The following TGM2 variants were observed in gnomAD, a reference collection of about 807,000 sequenced individuals.
The protein encoded by TGM2 is protein-glutamine gamma-glutamyltransferase 2.
Under a neutral mutation model 75.6 loss-of-function variants are expected in TGM2, and 53 were observed. The observed-to-expected ratio is 0.70, with a 90% CI of 0.56 to 0.88. The LOEUF is 0.88. TGM2 is among the 40% of genes least tolerant of loss of function. The probability of loss-of-function intolerance (pLI) is 0.00; values close to 1 mark genes in which losing one functional copy is unlikely to be tolerated. For missense variants in TGM2, 842 were observed against 928.5 expected (o/e 0.91, Z 1.21); for synonymous variants, 374 against 381.1 (o/e 0.98, Z 0.22).
rs371114137 is a variant in TGM2, at chr20:38,132,510, G to A, written c.1616-10C>T. 1.9e-6 allele frequency: 3 copies of A among 1,614,040 alleles called. No individual in the cohort carries two copies. The highest frequency in any genetic ancestry group is 2.5e-6 in the Non-Finnish European group (3 of 1,179,978). On this transcript the variant is annotated splice_polypyrimidine_tract_variant and intron_variant, in intron 10 of 12. Transcript: ENST00000361475. ...AGAGGAACGCTCTTCTCTGCAGAAG[G>A]GGAGAAAGGAGGGTGCTCATGATGC...
intron 3 of TGM2, among the ~76,000 whole-genome samples, chr20:38,151,805 C>T (rs1338391010): frequency 6.6e-6 from 1 of 152,130 alleles, no homozygotes; most frequent in Non-Finnish European, 1.5e-5. Context: ...AAGCAGAGGA[C>T]CAGAAAGCAC....
intron 10 of TGM2, among the ~76,000 whole-genome samples, chr20:38,135,282 C>A (rs935492684): frequency 6.6e-6 from 1 of 152,130 alleles, no homozygotes; most frequent in Non-Finnish European, 1.5e-5. Context: ...GCTCTGAGCA[C>A]GAGAAGGAGC....
At chr20:38,146,621 G>A (rs1030192493) in intron 6 of TGM2, 96 bp downstream of exon 6, 1 of 1,463,068 alleles carries the variant, frequency 6.8e-7, no homozygotes, top group African/African-American at 1.4e-5. Context: ...TTGGTGGCAG[G>A]GGGCAGGACC....
At chr20:38,155,756 T>C (rs1398236468) in intron 3 of TGM2, 91 bp downstream of exon 3, 9 of 1,497,096 alleles carry the variant, frequency 6.0e-6, no homozygotes, top group Non-Finnish European at 8.0e-6. Context: ...GTGTCTCTTA[T>C]CCCCTGTTCT....
At chr20:38,146,563 C>A (rs555763345) in intron 6 of TGM2, 154 bp downstream of exon 6, 5 of 857,960 alleles carry the variant, frequency 5.8e-6, no homozygotes, top group South Asian at 5.7e-5. Context: ...GGATAAAGGA[C>A]CGGAGAGGGT....
intron 4 of TGM2, among the ~76,000 whole-genome samples, chr20:38,149,692 A>AAAAAAAAAAAAAAAAAAAAAAC: frequency 6.8e-6 from 1 of 147,244 alleles, no homozygotes; most frequent in South Asian, 2.2e-4. Context: ...AAAAAAAAAA[A>AAAAAAAAAAAAAAAAAAAAAAC]AAAAAAAAAC....
intron 3 of TGM2, among the ~76,000 whole-genome samples, chr20:38,153,615 C>T (rs547255374): frequency 5.9e-5 from 9 of 151,412 alleles, no homozygotes; most frequent in Admixed American, 2.0e-4. Context: ...GGGGAAAAAA[C>T]CAAGTTGTAG....
intron 8 of TGM2, among the ~76,000 whole-genome samples, chr20:38,140,402 C>T (rs1172446450): frequency 6.6e-6 from 1 of 152,172 alleles, no homozygotes; most frequent in African/African-American, 2.4e-5. Flanking sequence ...TGTTCCATGC[C>T]GCTGGAGGTC....
chr20:38,152,954 G>A (rs908511636), intron 3 of TGM2, among the ~76,000 whole-genome samples: 8 of 150,344 alleles, frequency 5.3e-5, no homozygotes, highest in African/African-American at 1.5e-4. Flanking sequence ...TGGGGACACC[G>A]GCGTGTTCCT....
chr20:38,155,509 T>C (rs564146931), intron 3 of TGM2, among the ~76,000 whole-genome samples: 2 of 152,218 alleles, frequency 1.3e-5, no homozygotes, highest in Non-Finnish European at 2.9e-5. Flanking sequence ...ACCCAGCTAC[T>C]GTTAAAATTT....
At chr20:38,162,736 A>G (rs1014779135) in intron 1 of TGM2, among the ~76,000 whole-genome samples, 23 of 152,228 alleles carry the variant, frequency 1.5e-4, no homozygotes, top group African/African-American at 5.5e-4. Flanking sequence ...TATCCTTTAA[A>G]GGCATATACT....
At position 38,157,706 on chromosome 20, in the gene TGM2, A is replaced by G. The variant is rs529489490; in HGVS notation, c.191-1617T>C. Among the ~76,000 whole-genome samples the G allele has an allele frequency of 2.0e-5, 3 of 152,346 alleles. No individual in the cohort carries two copies. The East Asian group carries it at 5.8e-4, about 29-fold the overall frequency. On this transcript the variant is annotated intron_variant, in intron 2 of 12. Coordinates refer to ENST00000361475, the MANE Select transcript of TGM2 (RefSeq NM_004613.4). ...GCATCCCACAAGGCACCTGGTGTAT[A>G]GTAAGTGCTCAGGAAACAATAGTTA...
rs112569594 is a variant in TGM2 at position 38,165,232 on chromosome 20, G to T, written c.-34C>A. The T allele has an allele frequency of 6.2e-7, 1 of 1,612,494 alleles. No individual in the cohort carries two copies. Among genetic ancestry groups the T allele is most frequent in the South Asian group, 1.1e-5 (1 of 91,058 alleles). On this transcript the variant is annotated 5_prime_UTR_variant, in exon 1 of 13. Coordinates refer to ENST00000361475, the MANE Select transcript of TGM2 (RefSeq NM_004613.4). ...GGGGGCGGTGGCTCCTTCCACTGGC[G>T]GCGAGACCCTCCAAGTGCGACCACT...
chr20:38,155,886 G>A lies in TGM2; in HGVS notation c.394C>T (p.Leu132=), dbSNP rs575165787. Residue 132 remains leucine (L), a synonymous_variant, in exon 3 of 13, where the codon CTG becomes TTG. Coordinates refer to ENST00000361475, the MANE Select transcript of TGM2 (RefSeq NM_004613.4). Reference sequence around the variant, plus strand: ...TTGAAGAGCAAAATGAAGTGGCCCAGCACAAAGCTGGATCCCTGGTAGCCA... The same window carrying A: ...TTGAAGAGCAAAATGAAGTGGCCCAACACAAAGCTGGATCCCTGGTAGCCA... ...STGYQGSSFV[L]GHFILLFNAW... is the part of the protein sequence containing the mutation. 3.7e-6 allele frequency: 6 copies of A among 1,603,528 alleles called. No individual in the cohort carries two copies. The South Asian group carries it at 5.6e-5, about 15-fold the overall frequency.
chr20:38,136,929 C>G (rs944257370), intron 10 of TGM2, among the ~76,000 whole-genome samples: 3 of 152,212 alleles, frequency 2.0e-5, no homozygotes, highest in Non-Finnish European at 4.4e-5. Flanking sequence ...AGAGGACAAC[C>G]ACTGTGCAGG....
intron 2 of TGM2, among the ~76,000 whole-genome samples, chr20:38,160,398 G>A (rs547885244): frequency 2.0e-5 from 3 of 152,316 alleles, no homozygotes; most frequent in Non-Finnish European, 4.4e-5. Flanking sequence ...TGAGACGCCT[G>A]GGGACTTGGT....
chr20:38,141,452 C>G, intron 7 of TGM2, 67 bp from the exon 8 acceptor site: 5 of 1,202,076 alleles, frequency 4.2e-6, no homozygotes, highest in Non-Finnish European at 6.0e-6. Context: ...CTCCCACGGG[C>G]AGACCATGCA....
intron 8 of TGM2, 111 bp from the exon 9 acceptor site, chr20:38,139,765 C>T (rs2074948520): frequency 1.4e-6 from 2 of 1,425,084 alleles, no homozygotes; most frequent in Non-Finnish European, 9.5e-7. Context: ...GACCACGCGG[C>T]CCTCTGACGG....
In TGM2 at chr20:38,141,340, C is replaced by G. The variant is rs2074970938; in HGVS notation, c.1041G>C (p.Leu347=). 2 of 1,591,794 alleles carry G rather than the reference C, an allele frequency of 1.3e-6. No individual in the cohort carries two copies. Among genetic ancestry groups the G allele is most frequent in the African/African-American group, 1.3e-5 (1 of 74,672 alleles). Residue 347 remains leucine (L), a synonymous_variant, in exon 8 of 13, where the codon CTG becomes CTC. Coordinates refer to ENST00000361475, the MANE Select transcript of TGM2 (RefSeq NM_004613.4). ...CCTGCCAGCCCTCGTACCCCGGCTG[C>G]AGGTCCGGCCTGGTCATCCACGACT... ...WVESWMTRPD[L]QPGYEGWQAL... is the part of the protein sequence containing the mutation.
Sources: allele counts gnomAD v4.1 joint callset (sites outside exome capture counted in the v4.1 genomes callset), GRCh38; gene constraint gnomAD v4.1.1; transcripts MANE v1.5; gene names NCBI Gene and HGNC (gene_info 2026-07-23, HGNC 2026-07-21).